Variants in NTM observed in about 807,000 individuals in gnomAD.
NTM encodes the protein IgLON family member 2.
A neutral mutation model predicts 42.1 loss-of-function variants in NTM; 13 were observed. The ratio of observed to expected loss-of-function variants is 0.31; its 90% CI spans 0.20 to 0.49. The LOEUF is 0.49. Among genes scored for constraint, NTM ranks in the 20% least tolerant of loss-of-function variants. The pLI is 0.99. For missense variants in NTM, 373 were observed against 452.8 expected (o/e 0.82, Z 1.60); for synonymous variants, 187 against 179.2 (o/e 1.04, Z -0.35).
chr11:132,225,310 TAAAA>T (rs568067821), intron 4 of NTM, among the ~76,000 whole-genome samples: 1 of 144,994 alleles, frequency 6.9e-6, no homozygotes, highest in Admixed American at 6.9e-5. Flanking sequence ...GGAGAAAAAT[TAAAA>T]AAAAAAAGAC....
intron 6 of NTM, among the ~76,000 whole-genome samples, chr11:132,313,397 T>C (rs1417795294): frequency 1.3e-5 from 2 of 152,098 alleles, no homozygotes; most frequent in East Asian, 3.9e-4. Flanking sequence ...CTACAAGCTG[T>C]GCTCCAGCCA....
chr11:131,866,759 A>T (rs577237107), intron 1 of NTM, among the ~76,000 whole-genome samples: 1 of 152,220 alleles, frequency 6.6e-6, no homozygotes, highest in African/African-American at 2.4e-5. Context: ...GCAGCTATTA[A>T]GAGATGTGAC....
At chr11:132,019,878 TG>T (rs998587813) in intron 2 of NTM, among the ~76,000 whole-genome samples, 2 of 152,044 alleles carry the variant, frequency 1.3e-5, no homozygotes, top group Admixed American at 1.3e-4. Context: ...GGGGTACATG[TG>T]CAGGTTTGTT....
rs140668394 is a variant in NTM at position 131,930,396 on chromosome 11, C to T, written c.167+18748C>T. On this transcript the variant is annotated intron_variant, in intron 2 of 8. Coordinates refer to ENST00000683400, the MANE Select transcript of NTM (RefSeq NM_001352005.2). Reference sequence around the variant, plus strand: ...CCCCTCACACTGGGCCCAACTCATGCCCTGCACTCGGCAAATGTTTAATGA... The same window carrying T: ...CCCCTCACACTGGGCCCAACTCATGTCCTGCACTCGGCAAATGTTTAATGA... Among the ~76,000 whole-genome samples the T allele has an allele frequency of 2.3e-3, 346 of 152,234 alleles. 1 individual carries two copies. Among genetic ancestry groups the T allele is most frequent in the African/African-American group, 6.9e-3 (288 of 41,538 alleles).
intron 2 of NTM, among the ~76,000 whole-genome samples, chr11:131,931,339 T>A (rs1445752205): frequency 6.6e-6 from 1 of 151,868 alleles, no homozygotes; most frequent in Non-Finnish European, 1.5e-5. Context: ...CTGGAGAGGC[T>A]GAGACAGGAA....
intron 2 of NTM, among the ~76,000 whole-genome samples, chr11:132,111,525 A>T (rs1348408258): frequency 2.0e-5 from 3 of 152,184 alleles, no homozygotes; most frequent in Non-Finnish European, 2.9e-5. Flanking sequence ...TCAGGCATCG[A>T]GGAGCTCAAA....
chr11:131,405,251 G>GAA (rs1168009388), intron 1 of NTM, among the ~76,000 whole-genome samples: 1 of 152,174 alleles, frequency 6.6e-6, no homozygotes, highest in African/African-American at 2.4e-5. Flanking sequence ...GATTACATCT[G>GAA]TTGACTGCCA....
At chr11:132,181,249 T>C (rs1260311430) in intron 3 of NTM, among the ~76,000 whole-genome samples, 2 of 152,150 alleles carry the variant, frequency 1.3e-5, no homozygotes, top group African/African-American at 2.4e-5. Context: ...TTCTCATGAG[T>C]CATACCTGTT....
At chr11:131,939,276 T>A (rs919298144) in intron 2 of NTM, among the ~76,000 whole-genome samples, 3 of 152,034 alleles carry the variant, frequency 2.0e-5, no homozygotes, top group Non-Finnish European at 2.9e-5. Flanking sequence ...AATGAAATAT[T>A]TTATGGAGAC....
chr11:131,707,369 G>A (rs2076695603), intron 1 of NTM, among the ~76,000 whole-genome samples: 1 of 151,968 alleles, frequency 6.6e-6, no homozygotes, highest in Admixed American at 6.6e-5. Context: ...GTGTGCATAT[G>A]TCACATTTTC....
At chr11:132,263,090 G>A (rs2092966339) in intron 4 of NTM, among the ~76,000 whole-genome samples, 1 of 152,152 alleles carries the variant, frequency 6.6e-6, no homozygotes, top group South Asian at 2.1e-4. Context: ...TTTGCTACAG[G>A]AATATATCTT....
chr11:132,017,087 G>A (rs995237592), intron 2 of NTM, among the ~76,000 whole-genome samples: 1 of 151,660 alleles, frequency 6.6e-6, no homozygotes, highest in Non-Finnish European at 1.5e-5. Context: ...GTCTCTGAGG[G>A]CTTTTCTTTT....
intron 2 of NTM, among the ~76,000 whole-genome samples, chr11:131,951,192 A>G (rs184036745): frequency 6.6e-6 from 1 of 152,322 alleles, no homozygotes; most frequent in East Asian, 1.9e-4. Flanking sequence ...CAGAGGGGGA[A>G]TAAAAAGGCA....
intron 2 of NTM, among the ~76,000 whole-genome samples, chr11:132,023,743 TG>T (rs1212387329): frequency 2.0e-5 from 3 of 151,448 alleles, no homozygotes; most frequent in African/African-American, 4.9e-5. Context: ...GTTTTGTTGT[TG>T]GTGGTGGTTT....
chr11:131,594,475 A>G (rs1309607162), intron 1 of NTM, among the ~76,000 whole-genome samples: 1 of 152,004 alleles, frequency 6.6e-6, no homozygotes, highest in Non-Finnish European at 1.5e-5. Context: ...AGCTCACTGC[A>G]ACCTCCGCCT....
Position 132,291,441 on chromosome 11 carries a change from T to A in NTM, c.527-16248T>A, listed in dbSNP as rs190970151. Among the ~76,000 whole-genome samples, 12 of 152,304 alleles carry A rather than the reference T, an allele frequency of 7.9e-5. No individual in the cohort carries two copies. In the East Asian group the frequency reaches 2.1e-3, roughly 27 times the overall value. ...TGAAGGAAGATAAATCTAGAAGAAT[T>A]TCATGTCGGACATGTCAAATGTGGG... On this transcript the variant is annotated intron_variant, in intron 4 of 8. Transcript: ENST00000683400.
chr11:131,857,828 C>T (rs1747864898), intron 1 of NTM, among the ~76,000 whole-genome samples: 1 of 152,216 alleles, frequency 6.6e-6, no homozygotes, highest in African/African-American at 2.4e-5. Flanking sequence ...ATCCTCCCTG[C>T]ACCCTCCTGC....
intron 3 of NTM, among the ~76,000 whole-genome samples, chr11:132,161,620 T>A (rs2074308559): frequency 6.6e-6 from 1 of 151,830 alleles, no homozygotes; most frequent in Non-Finnish European, 1.5e-5. Context: ...ACAGTCTTCC[T>A]CCCCCCAACT....
chr11:131,628,617 C>A (rs1171402556), intron 1 of NTM, among the ~76,000 whole-genome samples: 1 of 152,124 alleles, frequency 6.6e-6, no homozygotes, highest in Non-Finnish European at 1.5e-5. Context: ...TCTCTCTCAT[C>A]CTCACTCCCA....
Sources: gnomAD v4.1 joint callset for allele counts (sites outside exome capture counted in the v4.1 genomes callset) on GRCh38, gnomAD v4.1.1 for gene constraint, MANE v1.5 for transcripts, NCBI Gene and HGNC (gene_info 2026-07-23, HGNC 2026-07-21) for gene names.